PAK1: variants seen among roughly 807,000 people sequenced by gnomAD.
PAK1 encodes the protein p21 (RAC1) activated kinase 1, also known as serine/threonine-protein kinase PAK 1.
A neutral mutation model predicts 67.4 loss-of-function variants in PAK1; 29 were observed. The observed-to-expected ratio is 0.43, with a 90% CI of 0.32 to 0.59. The LOEUF (loss-of-function observed/expected upper bound fraction) is 0.59. PAK1 is among the 20% of genes least tolerant of loss of function. The pLI, the probability that PAK1 is intolerant of heterozygous loss-of-function variation, is 0.07. For missense variants in PAK1, 337 were observed against 670.7 expected, an observed-to-expected ratio of 0.50 and a Z score of 5.50; for synonymous variants, 223 against 237.4, an observed-to-expected ratio of 0.94 and a Z score of 0.56.
the PAK1 span, among the ~76,000 whole-genome samples, chr11:77,502,983 G>C: frequency 6.6e-6 from 1 of 152,074 alleles, no homozygotes; most frequent in Non-Finnish European, 1.5e-5. Flanking sequence ...ACTTATGGAG[G>C]AAAACAATAA....
At chr11:77,483,282 T>A in the PAK1 span, among the ~76,000 whole-genome samples, 1 of 151,272 alleles carries the variant, frequency 6.6e-6, no homozygotes, top group Non-Finnish European at 1.5e-5. Flanking sequence ...TGAAACAACC[T>A]CATCAGATAA....
chr11:77,501,155 A>AAAAAAAAACAAAAAAC, the PAK1 span, among the ~76,000 whole-genome samples: 1 of 148,572 alleles, frequency 6.7e-6, no homozygotes, highest in South Asian at 2.1e-4. Flanking sequence ...CGTCTCAAAA[A>AAAAAAAAACAAAAAAC]AAAAAACAAA....
intron 12 of PAK1, 116 bp from the exon 13 acceptor site, chr11:77,336,398 ATCCTTTGTCTC>A (rs1942692467): frequency 1.5e-6 from 1 of 655,904 alleles, no homozygotes; most frequent in Admixed American, 2.7e-5. Context: ...CAGCTCTGCT[ATCCTTTGTCTC>A]TCCAAAGTCA....
the PAK1 span, among the ~76,000 whole-genome samples, chr11:77,503,470 C>A: frequency 7.4e-3 from 1,120 of 152,296 alleles, 18 homozygotes; most frequent in African/African-American, 0.026. Context: ...GTCTCAGGAC[C>A]TTTTTACACT....
intron 1 of PAK1, among the ~76,000 whole-genome samples, chr11:77,408,747 T>C (rs2137949896): frequency 6.6e-6 from 1 of 152,210 alleles, no homozygotes; most frequent in East Asian, 1.9e-4. Flanking sequence ...GACAAAGGAT[T>C]AATAACGAGA....
intron 1 of PAK1, among the ~76,000 whole-genome samples, chr11:77,448,389 G>A (rs1956709621): frequency 6.6e-6 from 1 of 152,072 alleles, no homozygotes; most frequent in South Asian, 2.1e-4. Flanking sequence ...TTAAGGAGAG[G>A]TAGAATATAC....
intron 1 of PAK1, among the ~76,000 whole-genome samples, chr11:77,406,945 GT>G (rs1245585930): frequency 1.3e-5 from 2 of 152,134 alleles, no homozygotes; most frequent in East Asian, 3.9e-4. Flanking sequence ...AAAGACATAG[GT>G]GCTGCATGAA....
the PAK1 span, among the ~76,000 whole-genome samples, chr11:77,492,707 C>T: frequency 1.3e-5 from 2 of 151,920 alleles, no homozygotes; most frequent in African/African-American, 4.8e-5. Context: ...ATTGTAATTC[C>T]CAGTGTTGGA....
the PAK1 span, among the ~76,000 whole-genome samples, chr11:77,522,157 A>C: frequency 1.3e-3 from 204 of 152,358 alleles, no homozygotes; most frequent in African/African-American, 4.6e-3. Context: ...TCTGTTCCAC[A>C]AGGAATCTCA....
intron 6 of PAK1, among the ~76,000 whole-genome samples, chr11:77,356,845 A>G (rs1418976625): frequency 4.6e-5 from 7 of 152,242 alleles, no homozygotes; most frequent in African/African-American, 1.7e-4. Context: ...TTATAAAGAA[A>G]TAAGCAAGCT....
intron 5 of PAK1, among the ~76,000 whole-genome samples, chr11:77,366,257 C>T (rs778515186): frequency 1.3e-5 from 2 of 152,202 alleles, no homozygotes; most frequent in African/African-American, 2.4e-5. Flanking sequence ...TAACTCAAAT[C>T]CACAAGTAAT....
At chr11:77,453,047 A>G (rs1054718564) in intron 1 of PAK1, among the ~76,000 whole-genome samples, 38 of 152,146 alleles carry the variant, frequency 2.5e-4, no homozygotes, top group African/African-American at 7.7e-4. Context: ...GGAAGAAGGA[A>G]GAAGTGGGAT....
the PAK1 span, among the ~76,000 whole-genome samples, chr11:77,498,997 C>A: frequency 6.6e-6 from 1 of 151,988 alleles, no homozygotes; most frequent in Non-Finnish European, 1.5e-5. Context: ...CCACGCCCTG[C>A]CAAATTTTAT....
chr11:77,373,369 T>C (rs946254414), intron 5 of PAK1, among the ~76,000 whole-genome samples: 1 of 151,850 alleles, frequency 6.6e-6, no homozygotes, highest in Non-Finnish European at 1.5e-5. Context: ...CTACCAAAAC[T>C]TTTAAAAAAT....
chr11:77,472,075 CAG>C (rs1428020281), intron 1 of PAK1, among the ~76,000 whole-genome samples: 2 of 152,140 alleles, frequency 1.3e-5, no homozygotes, highest in Non-Finnish European at 2.9e-5. Flanking sequence ...TCTTTGAAGA[CAG>C]GGAATATCTT....
intron 1 of PAK1, among the ~76,000 whole-genome samples, chr11:77,396,397 A>G (rs1399462029): frequency 1.3e-5 from 2 of 152,200 alleles, no homozygotes; most frequent in Admixed American, 1.3e-4. Flanking sequence ...GCATTGCAAT[A>G]ATTTGTTTAC....
chr11:77,390,720 T>C (rs1294254592), intron 2 of PAK1, among the ~76,000 whole-genome samples: 2 of 148,140 alleles, frequency 1.4e-5, no homozygotes, highest in African/African-American at 5.0e-5. Flanking sequence ...CGGGCTAGTC[T>C]CAAACTCCTG....
At chr11:77,333,552 G>A (rs371410522) in intron 13 of PAK1, among the ~76,000 whole-genome samples, 103 of 152,214 alleles carry the variant, frequency 6.8e-4, no homozygotes, top group Middle Eastern at 3.4e-3. Flanking sequence ...TTAGCCTGTT[G>A]AGTTAAACAT....
chr11:77,367,935 C>T (rs1481114755), intron 5 of PAK1, among the ~76,000 whole-genome samples: 1 of 152,196 alleles, frequency 6.6e-6, no homozygotes, highest in Non-Finnish European at 1.5e-5. Flanking sequence ...GCTGAGATCA[C>T]GCCGCTGCAC....
Sources: gnomAD v4.1 joint callset for allele counts (sites outside exome capture counted in the v4.1 genomes callset) on GRCh38, gnomAD v4.1.1 for gene constraint, MANE v1.5 for transcripts, NCBI Gene and HGNC (gene_info 2026-07-23, HGNC 2026-07-21) for gene names.